The following MMP27 variants were observed in gnomAD, a reference collection of about 807,000 sequenced individuals.
MMP27 encodes matrix metalloproteinase-27.
MMP27 carries 51 observed loss-of-function variants against 48.1 expected under a neutral mutation model. That is an observed-to-expected ratio of 1.06 (90% CI 0.85 to 1.34). The LOEUF is 1.34. MMP27 is among the 40% of genes most tolerant of loss of function. The probability of loss-of-function intolerance (pLI) is 0.00; values close to 1 mark genes in which losing one functional copy is unlikely to be tolerated. For missense variants in MMP27, 698 were observed against 619.3 expected, an observed-to-expected ratio of 1.13 and a Z score of -1.35; for synonymous variants, 229 against 208.9, an observed-to-expected ratio of 1.10 and a Z score of -0.83.
chr11:102,701,077 A>G (rs1298834564), intron 4 of MMP27, among the ~76,000 whole-genome samples: 1 of 152,208 alleles, frequency 6.6e-6, no homozygotes, highest in Non-Finnish European at 1.5e-5. Flanking sequence ...ATTGGAGAAG[A>G]GGAAGGTATT....
At chr11:102,693,849 C>T in intron 8 of MMP27, 57 bp downstream of exon 8, 1 of 1,381,652 alleles carries the variant, frequency 7.2e-7, no homozygotes, top group Admixed American at 2.4e-5. Flanking sequence ...CAAAGTGATG[C>T]TATTGTGAAT....
intron 4 of MMP27, among the ~76,000 whole-genome samples, chr11:102,701,123 A>G (rs1274647457): frequency 2.0e-5 from 3 of 152,212 alleles, no homozygotes; most frequent in Non-Finnish European, 4.4e-5. Flanking sequence ...GAGTTATACA[A>G]TTGGATCACA....
chr11:102,699,081 G>C (rs1006330368), intron 4 of MMP27, among the ~76,000 whole-genome samples: 2 of 152,168 alleles, frequency 1.3e-5, no homozygotes, highest in Non-Finnish European at 2.9e-5. Flanking sequence ...CATGACCATA[G>C]TGCCCTTTCC....
chr11:102,693,798 A>G, intron 8 of MMP27, 108 bp downstream of exon 8: 1 of 1,022,460 alleles, frequency 9.8e-7, no homozygotes. Flanking sequence ...AAAAATAAAA[A>G]AATAAAAAAT....
At chr11:102,694,872 G>C in intron 7 of MMP27, 95 bp downstream of exon 7, 1 of 1,426,206 alleles carries the variant, frequency 7.0e-7, no homozygotes, top group South Asian at 1.3e-5. Context: ...CTGCGCCTTG[G>C]CTCATGCATG....
chr11:102,701,313 C>G (rs185290987), intron 4 of MMP27, among the ~76,000 whole-genome samples: 2 of 151,946 alleles, frequency 1.3e-5, no homozygotes, highest in African/African-American at 4.8e-5. Flanking sequence ...AAAAAAATAA[C>G]TTACCCCACA....
In MMP27 at chr11:102,695,017, T is replaced by A. The variant is rs1860797381; in HGVS notation, c.983A>T (p.Asp328Val). ...IASFWPSLPA[D>V]LQAAYENPRD... ...GGGGTTCTCGTATGCAGCTTGCAGA[T>A]CAGCTGGCAGAGATGGCCAGAATGA... The change falls in exon 7 of 10, where the codon GAT becomes GTT. Residue 328 changes from aspartate (D) to valine (V), a missense_variant. By Grantham distance (152) the Asp-to-Val change is radical (BLOSUM62 -3). Transcript: ENST00000260229. The A allele has an allele frequency of 6.2e-7, 1 of 1,614,010 alleles. No individual in the cohort carries two copies. Among genetic ancestry groups the A allele is most frequent in the East Asian group, 2.2e-5 (1 of 44,852 alleles).
intron 4 of MMP27, among the ~76,000 whole-genome samples, chr11:102,700,721 A>C (rs537308434): frequency 2.6e-5 from 4 of 152,236 alleles, no homozygotes; most frequent in African/African-American, 9.6e-5. Flanking sequence ...AGGCCTGTTC[A>C]GTTGTTTGGT....
At chr11:102,703,208 T>A (rs1401589416) in intron 2 of MMP27, 90 bp from the exon 3 acceptor site, 1 of 1,233,986 alleles carries the variant, frequency 8.1e-7, no homozygotes, top group Non-Finnish European at 1.1e-6. Context: ...AGCTTATCAA[T>A]AATGTGCTGC....
At chr11:102,696,326 A>T in intron 6 of MMP27, 45 bp downstream of exon 6, 1 of 1,604,340 alleles carries the variant, frequency 6.2e-7, no homozygotes, top group East Asian at 2.2e-5. Flanking sequence ...TCTTGAAAAG[A>T]AAAATCTTCA....
At chr11:102,703,726 G>A (rs1198868225) in intron 2 of MMP27, among the ~76,000 whole-genome samples, 6 of 152,000 alleles carry the variant, frequency 3.9e-5, no homozygotes, top group African/African-American at 1.2e-4. Flanking sequence ...GTTTTGCCAC[G>A]TTTGCCAGGC....
In MMP27 at chr11:102,691,745, G is replaced by T. The variant is rs1860727157; in HGVS notation, c.*21C>A. 1 of 1,530,394 alleles carries T rather than the reference G, an allele frequency of 6.5e-7. No individual in the cohort carries two copies. The highest frequency in any genetic ancestry group is 2.0e-5 in the Admixed American group (1 of 51,026). The allele number at this position is 1,530,394 out of a possible 1,614,324, so 94.8% of individuals were successfully genotyped here. On this transcript the variant is annotated 3_prime_UTR_variant, in exon 10 of 10. Coordinates refer to ENST00000260229, the MANE Select transcript of MMP27 (RefSeq NM_022122.3). Reference sequence around the variant, plus strand: ...AATTTATATTAAAAGACCTGTTGAGGTTTATTTTAGGTCTATGAATTTATT... The same window carrying T: ...AATTTATATTAAAAGACCTGTTGAGTTTTATTTTAGGTCTATGAATTTATT...
In MMP27 at chr11:102,691,750, T is replaced by C. The variant is rs766924968; in HGVS notation, c.*16A>G. The stretch of plus-strand genomic sequence containing the variant: ...ATATTAAAAGACCTGTTGAGGTTTA[T>C]TTTAGGTCTATGAATTTATTGATAA... On this transcript the variant is annotated 3_prime_UTR_variant, in exon 10 of 10. Coordinates refer to ENST00000260229, the MANE Select transcript of MMP27 (RefSeq NM_022122.3). 3 of 1,559,676 alleles carry C rather than the reference T, an allele frequency of 1.9e-6. No individual in the cohort carries two copies. The highest frequency in any genetic ancestry group is 2.6e-6 in the Non-Finnish European group (3 of 1,145,510).
intron 4 of MMP27, among the ~76,000 whole-genome samples, chr11:102,698,225 C>T (rs78862722): frequency 7.9e-5 from 12 of 151,996 alleles, no homozygotes; most frequent in Non-Finnish European, 8.8e-5. Flanking sequence ...ACTGGCAGCA[C>T]GGTAAGTTTG....
At chr11:102,702,264 G>C (rs987383582) in intron 4 of MMP27, among the ~76,000 whole-genome samples, 10 of 152,292 alleles carry the variant, frequency 6.6e-5, no homozygotes, top group South Asian at 4.1e-4. Flanking sequence ...AGCCTCTATG[G>C]GCTATGAATC....
intron 7 of MMP27, among the ~76,000 whole-genome samples, chr11:102,694,643 C>T (rs189001276): frequency 5.3e-5 from 8 of 151,676 alleles, no homozygotes; most frequent in African/African-American, 9.7e-5. Context: ...TTATAGTGTC[C>T]TATATTTTTA....
intron 2 of MMP27, 98 bp from the exon 3 acceptor site, chr11:102,703,216 T>A (rs887577398): frequency 7.8e-6 from 9 of 1,147,818 alleles, no homozygotes; most frequent in Non-Finnish European, 1.1e-5. Context: ...AATAATGTGC[T>A]GCAGTAACTT....
intron 9 of MMP27, among the ~76,000 whole-genome samples, chr11:102,692,701 A>T (rs771347528): frequency 1.3e-5 from 2 of 152,330 alleles, no homozygotes; most frequent in East Asian, 3.9e-4. Context: ...CTTATCAATG[A>T]TGAGTAAAAT....
Position 102,703,037 on chromosome 11 carries a change from G to A in MMP27, c.423C>T (p.Val141=). ...AAATCTTGGTGAATTTTAGTGGAGTGACTTTGCTCCACACTTCTAAACCTT... is the reference window on the plus strand; with the variant it reads ...AAATCTTGGTGAATTTTAGTGGAGTAACTTTGCTCCACACTTCTAAACCTT... The part of the protein sequence containing the change: ...IQEGLEVWSK[V]TPLKFTKISK... The change falls in exon 3 of 10, where the codon GTC becomes GTT. Residue 141 remains valine (V), a synonymous_variant. Coordinates refer to ENST00000260229, the MANE Select transcript of MMP27 (RefSeq NM_022122.3). 6.2e-7 allele frequency: 1 copy of A among 1,614,054 alleles called. No homozygotes were observed. Among genetic ancestry groups the A allele is most frequent in the Non-Finnish European group, 8.5e-7 (1 of 1,179,924 alleles).
Sources: allele counts gnomAD v4.1 joint callset (sites outside exome capture counted in the v4.1 genomes callset), GRCh38; gene constraint gnomAD v4.1.1; transcripts MANE v1.5; gene names NCBI Gene and HGNC (gene_info 2026-07-23, HGNC 2026-07-21).